Variants in RP1 observed in about 807,000 individuals in gnomAD.
RP1 encodes RP1 axonemal microtubule associated.
A neutral mutation model predicts 14.8 loss-of-function variants in RP1; 16 were observed. That is an observed-to-expected ratio of 1.08 (90% CI 0.73 to 1.65). RP1 has a LOEUF of 1.65. Among genes scored for constraint, RP1 ranks in the 40% most tolerant of loss-of-function variants. The pLI, the probability that RP1 is intolerant of heterozygous loss-of-function variation, is 0.00. For missense variants in RP1, 2,631 were observed against 2,535.0 expected, an observed-to-expected ratio of 1.04 and a Z score of -0.81; for synonymous variants, 876 against 883.6, an observed-to-expected ratio of 0.99 and a Z score of 0.15.
At chr8:54,584,193 A>T (rs1162232082) in intron 1 of RP1, among the ~76,000 whole-genome samples, 2 of 152,144 alleles carry the variant, frequency 1.3e-5, no homozygotes, top group East Asian at 3.9e-4. Flanking sequence ...AGATTCTGGT[A>T]TGTTGTGTCT....
intron 1 of RP1, among the ~76,000 whole-genome samples, chr8:54,590,381 C>A (rs1018615102): frequency 6.6e-6 from 1 of 152,140 alleles, no homozygotes; most frequent in Non-Finnish European, 1.5e-5. Flanking sequence ...TACCACTCCA[C>A]TACTGTGGCC....
In RP1 at chr8:54,717,563, T is replaced by G. The variant is rs552427778; in HGVS notation, c.2212-2566T>G. Among the ~76,000 whole-genome samples, 3 of 152,260 alleles carry G rather than the reference T, an allele frequency of 2.0e-5. No homozygotes were observed. The East Asian group carries it at 5.8e-4, about 29-fold the overall frequency. ...AATATTGGTGGTGAAATAAAAAGAC[T>G]AACTTTCAGTAAACTATGAATAGAT... is the stretch of plus-strand genomic sequence containing the variant. On this transcript the variant is annotated intron_variant, in intron 15 of 22. Coordinates refer to the RP1 transcript ENST00000636932.
intron 23 of RP1, among the ~76,000 whole-genome samples, chr8:54,776,688 T>G (rs1262326110): frequency 6.6e-6 from 1 of 152,128 alleles, no homozygotes; most frequent in Non-Finnish European, 1.5e-5. Context: ...AAGGATACAC[T>G]GGAAGGGAAT....
chr8:54,811,573 T>C (rs564094944), intron 24 of RP1, among the ~76,000 whole-genome samples: 3 of 152,342 alleles, frequency 2.0e-5, no homozygotes, highest in East Asian at 1.9e-4. Flanking sequence ...GTCATATGTA[T>C]GCTTCTTCGT....
At chr8:54,605,970 C>G (rs770846529) in intron 1 of RP1, among the ~76,000 whole-genome samples, 1 of 151,186 alleles carries the variant, frequency 6.6e-6, no homozygotes, top group Non-Finnish European at 1.5e-5. Flanking sequence ...GAATACAGCA[C>G]ACTGATGGGT....
intron 28 of RP1, among the ~76,000 whole-genome samples, chr8:54,867,900 G>A (rs888193107): frequency 6.6e-6 from 1 of 152,106 alleles, no homozygotes; most frequent in Non-Finnish European, 1.5e-5. Context: ...CATTTCTAGT[G>A]CTGAATAGAC....
At position 54,790,180 on chromosome 8, in the gene RP1, G is replaced by A. The variant is rs570168419; in HGVS notation, c.3615+6470G>A. Among the ~76,000 whole-genome samples, 15 of 152,304 alleles carry A rather than the reference G, an allele frequency of 9.8e-5. No homozygotes were observed. The South Asian group carries it at 3.1e-3, about 32-fold the overall frequency. On this transcript the variant is annotated intron_variant, in intron 24 of 28. Transcript: ENST00000637698. ...GTTCTGCCTGACTACAGCCAGGTCA[G>A]CAGACCTACTGGTTGCAGAGACCAC... is the stretch of plus-strand genomic sequence containing the variant.
At chr8:54,827,070 C>G (rs1439642580) in intron 24 of RP1, among the ~76,000 whole-genome samples, 1 of 152,108 alleles carries the variant, frequency 6.6e-6, no homozygotes, top group Non-Finnish European at 1.5e-5. Context: ...AGGGCACTTA[C>G]CATAAATGGA....
chr8:54,802,206 T>C (rs1358474619), intron 24 of RP1, among the ~76,000 whole-genome samples: 1 of 152,176 alleles, frequency 6.6e-6, no homozygotes, highest in Non-Finnish European at 1.5e-5. Flanking sequence ...TAGAGACATA[T>C]TTAAGAAAGA....
chr8:54,755,663 G>A (rs1214757887), exon 21 of RP1: 9 of 1,535,886 alleles, frequency 5.9e-6, no homozygotes, highest in Non-Finnish European at 7.8e-6. Context: ...GCTGAAGCAT[G>A]CAGAGACGGA....
At chr8:54,754,747 A>G in intron 19 of RP1, 1 of 1,447,476 alleles carries the variant, frequency 6.9e-7, no homozygotes, top group Non-Finnish European at 9.1e-7. Context: ...GTGAATTCCA[A>G]GTTCTTTGAG....
intron 19 of RP1, among the ~76,000 whole-genome samples, chr8:54,753,214 T>C (rs547188823): frequency 1.7e-4 from 26 of 152,346 alleles, no homozygotes; most frequent in African/African-American, 6.0e-4. Flanking sequence ...CAGTCGTCAC[T>C]CATTAATGGT....
chr8:54,674,934 A>G (rs1408211050), intron 8 of RP1, among the ~76,000 whole-genome samples: 1 of 152,196 alleles, frequency 6.6e-6, no homozygotes, highest in African/African-American at 2.4e-5. Context: ...TATTAAGTCA[A>G]ATAATGTTAC....
intron 22 of RP1, among the ~76,000 whole-genome samples, chr8:54,767,857 A>G (rs778028465): frequency 6.6e-6 from 1 of 152,216 alleles, no homozygotes; most frequent in Non-Finnish European, 1.5e-5. Context: ...CCAGAGGAGG[A>G]AAGAACACTG....
At chr8:54,645,593 T>C (rs1806529572) in intron 3 of RP1, among the ~76,000 whole-genome samples, 1 of 152,168 alleles carries the variant, frequency 6.6e-6, no homozygotes, top group African/African-American at 2.4e-5. Flanking sequence ...GTTGATGTGG[T>C]TTTCTAATAT....
chr8:54,621,491 G>A lies in RP1; in HGVS notation c.525G>A (p.Arg175=). 6.2e-7 allele frequency: 1 copy of A among 1,614,106 alleles called. No homozygotes were observed. Among genetic ancestry groups the A allele is most frequent in the Non-Finnish European group, 8.5e-7 (1 of 1,180,022 alleles). The change falls in exon 2 of 4, where the codon AGG becomes AGA. Residue 175 remains arginine, a synonymous_variant. Transcript: ENST00000220676. ...KTRRAVLLSR[R]VTQSFEAFLQ... is the part of the protein sequence containing the mutation. ...GGCGTGCGGTTCTTCTGAGCAGGAG[G>A]GTCACCCAGAGCTTCGAGGCATTTC... is the stretch of plus-strand genomic sequence containing the variant.
At chr8:54,772,391 AG>A (rs1486074513), downstream of RP1, among the ~76,000 whole-genome samples, 3 of 152,164 alleles carry the variant, frequency 2.0e-5, no homozygotes, top group African/African-American at 7.2e-5. Flanking sequence ...TTCTAGTTCT[AG>A]AAGTTCTTTC....
At chr8:54,574,826 G>A (rs1804608041) in intron 1 of RP1, among the ~76,000 whole-genome samples, 1 of 152,066 alleles carries the variant, frequency 6.6e-6, no homozygotes, top group East Asian at 1.9e-4. Flanking sequence ...CGAAAAAATT[G>A]TTCCAGAACC....
chr8:54,637,121 G>T (rs1472798776), intron 3 of RP1, among the ~76,000 whole-genome samples: 1 of 152,186 alleles, frequency 6.6e-6, no homozygotes, highest in Non-Finnish European at 1.5e-5. Context: ...GGTTAGCCTT[G>T]TATGCCCTGT....
Sources: gnomAD v4.1 joint callset for allele counts (sites outside exome capture counted in the v4.1 genomes callset) on GRCh38, gnomAD v4.1.1 for gene constraint, MANE v1.5 for transcripts, NCBI Gene and HGNC (gene_info 2026-07-23, HGNC 2026-07-21) for gene names.